KCNN2: variants seen among roughly 807,000 people sequenced by gnomAD.
The protein encoded by KCNN2 is potassium calcium-activated channel subfamily N member 2, also known as small conductance calcium-activated potassium channel protein 2.
Under a neutral mutation model 55.5 loss-of-function variants are expected in KCNN2, and 24 were observed. The ratio of observed to expected loss-of-function variants is 0.43; its 90% confidence interval spans 0.31 to 0.61. KCNN2 has a LOEUF of 0.61. Among genes scored for constraint, KCNN2 ranks in the 20% least tolerant of loss-of-function variants. The pLI is 0.08. For synonymous variants in KCNN2, 431 were observed against 336.1 expected (o/e 1.28, Z -3.09); for missense variants, 754 against 853.6 (o/e 0.88, Z 1.45).
intron 4 of KCNN2, among the ~76,000 whole-genome samples, chr5:114,471,973 C>T (rs1026523128): frequency 1.3e-5 from 2 of 152,218 alleles, no homozygotes; most frequent in African/African-American, 2.4e-5. Context: ...TTCTGTGCCT[C>T]TGTCTAGCGG....
chr5:114,315,463 G>GTA (rs1756484237), intron 2 of KCNN2, among the ~76,000 whole-genome samples: 1 of 47,954 alleles, frequency 2.1e-5, no homozygotes, highest in Non-Finnish European at 4.3e-5. Context: ...GTGTGTGTGT[G>GTA]TGTATATATA....
At chr5:114,443,764 A>G (rs933597960) in intron 3 of KCNN2, among the ~76,000 whole-genome samples, 5 of 152,266 alleles carry the variant, frequency 3.3e-5, no homozygotes, top group Non-Finnish European at 5.9e-5. Context: ...ATTGAAATCT[A>G]TATTGTAGTG....
intron 1 of KCNN2, among the ~76,000 whole-genome samples, chr5:114,107,402 T>A (rs961727302): frequency 2.6e-5 from 4 of 152,102 alleles, no homozygotes; most frequent in African/African-American, 9.7e-5. Context: ...GCATTCTTTT[T>A]GAGATGGGGT....
intron 2 of KCNN2, among the ~76,000 whole-genome samples, chr5:114,267,647 T>A (rs1755236882): frequency 6.6e-6 from 1 of 152,210 alleles, no homozygotes; most frequent in African/African-American, 2.4e-5. Flanking sequence ...GAACAAGTTC[T>A]GTTTTATTTT....
At chr5:114,293,925 G>A (rs1389409105) in intron 2 of KCNN2, among the ~76,000 whole-genome samples, 1 of 152,188 alleles carries the variant, frequency 6.6e-6, no homozygotes, top group Non-Finnish European at 1.5e-5. Context: ...TCTTGGGAGG[G>A]TGTATGTGTG....
intron 6 of KCNN2, among the ~76,000 whole-genome samples, chr5:114,487,965 A>G (rs1419348857): frequency 6.6e-6 from 1 of 152,176 alleles, no homozygotes; most frequent in African/African-American, 2.4e-5. Flanking sequence ...AGGTGGGTAA[A>G]TACAAGATGC....
chr5:114,493,584 C>T, intron 7 of KCNN2, 112 bp downstream of exon 7: 2 of 733,408 alleles, frequency 2.7e-6, no homozygotes, highest in Non-Finnish European at 4.9e-6. Flanking sequence ...ATTAATAAAT[C>T]AAACCAGCAA....
At chr5:114,478,821 T>G (rs1051630065) in intron 5 of KCNN2, among the ~76,000 whole-genome samples, 1 of 152,064 alleles carries the variant, frequency 6.6e-6, no homozygotes, top group Non-Finnish European at 1.5e-5. Flanking sequence ...AAGGAGAATA[T>G]AAGATCCTTT....
intron 1 of KCNN2, among the ~76,000 whole-genome samples, chr5:114,114,519 G>A (rs79022348): frequency 0.046 from 7,018 of 152,098 alleles, 538 homozygotes; most frequent in African/African-American, 0.16. Flanking sequence ...AGTTATAGGC[G>A]TAAGCTTTTC....
chr5:114,428,997 T>C (rs1297644087), intron 3 of KCNN2, among the ~76,000 whole-genome samples: 4 of 152,284 alleles, frequency 2.6e-5, no homozygotes, highest in South Asian at 2.1e-4. Context: ...CTTCCAAGTT[T>C]GGGCAATTAT....
At chr5:114,346,993 G>A (rs1275977500) in intron 2 of KCNN2, among the ~76,000 whole-genome samples, 1 of 152,136 alleles carries the variant, frequency 6.6e-6, no homozygotes, top group Non-Finnish European at 1.5e-5. Context: ...AATGATAATG[G>A]ATTATCACTC....
At chr5:114,106,604 A>G (rs899394763) in intron 1 of KCNN2, among the ~76,000 whole-genome samples, 3 of 135,078 alleles carry the variant, frequency 2.2e-5, no homozygotes, top group African/African-American at 5.6e-5. Context: ...TCTAATTTGG[A>G]TATTCCTGGT....
chr5:114,214,025 C>T (rs1753947804), intron 1 of KCNN2, among the ~76,000 whole-genome samples: 1 of 151,992 alleles, frequency 6.6e-6, no homozygotes, highest in Non-Finnish European at 1.5e-5. Context: ...TCACAAGAAT[C>T]CTAGGAGACA....
chr5:114,224,072 C>G (rs1010139018), intron 2 of KCNN2, among the ~76,000 whole-genome samples: 2 of 152,144 alleles, frequency 1.3e-5, no homozygotes, highest in Admixed American at 6.5e-5. Flanking sequence ...TATTCTTTCT[C>G]TCTCTTCTAG....
intron 3 of KCNN2, among the ~76,000 whole-genome samples, chr5:114,418,776 C>G (rs556929244): frequency 6.6e-6 from 1 of 152,284 alleles, no homozygotes; most frequent in Admixed American, 6.5e-5. Context: ...TTGGGTATTT[C>G]CTGAAAGCCC....
chr5:114,229,413 A>T (rs1465048465), intron 2 of KCNN2, among the ~76,000 whole-genome samples: 1 of 150,992 alleles, frequency 6.6e-6, no homozygotes, highest in Non-Finnish European at 1.5e-5. Context: ...TTCCTAAAAG[A>T]CTCTTACTTT....
chr5:114,070,650 A>C (rs2112524944), intron 1 of KCNN2, among the ~76,000 whole-genome samples: 1 of 152,330 alleles, frequency 6.6e-6, no homozygotes, highest in East Asian at 1.9e-4. Flanking sequence ...CTCAGGACTG[A>C]CATGAACTAA....
At chr5:114,420,685 G>A (rs529498816) in intron 3 of KCNN2, among the ~76,000 whole-genome samples, 2 of 152,282 alleles carry the variant, frequency 1.3e-5, no homozygotes, top group East Asian at 1.9e-4. Flanking sequence ...ACAATGCCAT[G>A]GTTGTGATAA....
chr5:114,393,558 T>G (rs925344939), intron 2 of KCNN2, among the ~76,000 whole-genome samples: 3 of 152,084 alleles, frequency 2.0e-5, no homozygotes, highest in African/African-American at 4.8e-5. Flanking sequence ...CTAACTTATA[T>G]TCATTTACTC....
Sources: allele counts gnomAD v4.1 joint callset (sites outside exome capture counted in the v4.1 genomes callset), GRCh38; gene constraint gnomAD v4.1.1; transcripts MANE v1.5; gene names NCBI Gene and HGNC (gene_info 2026-07-23, HGNC 2026-07-21).